The following VPS13A variants were observed in gnomAD, a reference collection of about 807,000 sequenced individuals.
VPS13A encodes intermembrane lipid transfer protein VPS13A.
In VPS13A, 264 loss-of-function variants were observed where a neutral mutation model predicts 390.9. The observed-to-expected ratio is 0.68, with a 90% CI of 0.61 to 0.75. The LOEUF (loss-of-function observed/expected upper bound fraction) is 0.75, where lower values mean the gene tolerates loss of function less well. Ranked by LOEUF, VPS13A falls within the 30% of genes least tolerant of loss-of-function variation. VPS13A has a pLI of 0.00. For synonymous variants in VPS13A, 1,231 were observed against 1,227.1 expected, an observed-to-expected ratio of 1.00 and a Z score of -0.07; for missense variants, 3,409 against 3,733.9, an observed-to-expected ratio of 0.91 and a Z score of 2.27.
intron 3 of VPS13A, 82 bp from the exon 4 acceptor site, chr9:77,205,231 C>T: frequency 1.4e-6 from 1 of 729,272 alleles, no homozygotes; most frequent in Non-Finnish European, 2.2e-6. Context: ...TCTTCAATGC[C>T]TGACAGAAAA....
At position 77,392,775 on chromosome 9, in the gene VPS13A, CTATATA is replaced by C. The variant is rs921308516; in HGVS notation, c.9190-10456_9190-10451del. On this transcript the variant is annotated intron_variant, in intron 68 of 71. Transcript: ENST00000360280. ...TAAAACTATATATAACTATATAAAA[CTATATA>C]TATACACACCTTAATTTAAAAATAC... Among the ~76,000 whole-genome samples, 8 of 146,788 alleles carry C rather than the reference CTATATA, an allele frequency of 5.5e-5. No individual in the cohort carries two copies. In the East Asian group the frequency reaches 1.6e-3, roughly 29 times the overall value.
intron 17 of VPS13A, among the ~76,000 whole-genome samples, chr9:77,228,533 T>A (rs532306266): frequency 6.6e-6 from 1 of 152,292 alleles, no homozygotes; most frequent in Non-Finnish European, 1.5e-5. Flanking sequence ...CAATGTGGTT[T>A]TTATCTGAGA....
chr9:77,342,544 C>T (rs2131514491), intron 50 of VPS13A, among the ~76,000 whole-genome samples: 1 of 152,238 alleles, frequency 6.6e-6, no homozygotes, highest in East Asian at 1.9e-4. Context: ...GATAGTGACA[C>T]ATTCTCTTTC....
chr9:77,273,130 T>C (rs1314662622), intron 23 of VPS13A, 150 bp from the exon 24 acceptor site: 1 of 622,752 alleles, frequency 1.6e-6, no homozygotes, highest in Non-Finnish European at 2.8e-6. Context: ...TATAATGTAT[T>C]TTTCTAATTT....
chr9:77,351,492 A>G (rs1831463938), intron 53 of VPS13A, 46 bp downstream of exon 53: 1 of 1,604,820 alleles, frequency 6.2e-7, no homozygotes, highest in Non-Finnish European at 8.5e-7. Context: ...TTTTTTAAAA[A>G]AGGTATTTGG....
At chr9:77,212,385 G>A (rs1351654952) in intron 7 of VPS13A, among the ~76,000 whole-genome samples, 2 of 151,850 alleles carry the variant, frequency 1.3e-5, no homozygotes, top group African/African-American at 2.4e-5. Flanking sequence ...ATTCCCTGTC[G>A]ACCTTAGAAT....
chr9:77,231,469 C>T (rs1735189499), intron 17 of VPS13A, among the ~76,000 whole-genome samples: 1 of 152,018 alleles, frequency 6.6e-6, no homozygotes, highest in African/African-American at 2.4e-5. Context: ...AAATTATAGC[C>T]ATCCTTATGG....
intron 68 of VPS13A, among the ~76,000 whole-genome samples, chr9:77,391,643 G>C (rs1785378678): frequency 6.6e-6 from 1 of 152,128 alleles, no homozygotes; most frequent in Non-Finnish European, 1.5e-5. Context: ...TATAGATTTA[G>C]ACATTTCTGT....
intron 17 of VPS13A, among the ~76,000 whole-genome samples, chr9:77,229,879 C>G (rs1823726163): frequency 1.3e-5 from 2 of 152,172 alleles, no homozygotes; most frequent in African/African-American, 4.8e-5. Flanking sequence ...TTTTACATTT[C>G]CATGAACAGT....
At chr9:77,221,831 C>T (rs1003152099) in intron 13 of VPS13A, among the ~76,000 whole-genome samples, 6 of 152,104 alleles carry the variant, frequency 3.9e-5, no homozygotes, top group Non-Finnish European at 1.5e-5. Flanking sequence ...TCTACCTACT[C>T]AATTCTACTC....
intron 1 of VPS13A, among the ~76,000 whole-genome samples, chr9:77,192,852 G>A (rs72740401): frequency 0.054 from 8,257 of 151,954 alleles, 332 homozygotes; most frequent in South Asian, 0.12. Flanking sequence ...ATCTTGCAGG[G>A]GTTCTATGAA....
intron 59 of VPS13A, among the ~76,000 whole-genome samples, chr9:77,361,617 T>C (rs1315229611): frequency 6.6e-6 from 1 of 152,224 alleles, no homozygotes. Context: ...CACCATGTGA[T>C]TAAGCAATTC....
intron 68 of VPS13A, among the ~76,000 whole-genome samples, chr9:77,383,902 C>T (rs1833562006): frequency 6.6e-6 from 1 of 150,710 alleles, no homozygotes; most frequent in East Asian, 1.9e-4. Flanking sequence ...TGGGATGTTG[C>T]AGTTAGCATT....
At chr9:77,300,136 A>T (rs1828258891) in intron 33 of VPS13A, among the ~76,000 whole-genome samples, 1 of 152,150 alleles carries the variant, frequency 6.6e-6, no homozygotes, top group African/African-American at 2.4e-5. Context: ...CTTTTTTCTT[A>T]ATAATATGCT....
intron 5 of VPS13A, 49 bp downstream of exon 5, chr9:77,206,128 C>CTAAATATTCAATTATGA: frequency 1.8e-5 from 22 of 1,219,034 alleles, no homozygotes; most frequent in Non-Finnish European, 2.5e-5. Flanking sequence ...TAGAAAAGAC[C>CTAAATATTCAATTATGA]TAAATATTTA....
At position 77,351,375 on chromosome 9, in the gene VPS13A, G is replaced by T; in HGVS notation, c.7348G>T (p.Ala2450Ser). 6.2e-7 allele frequency: 1 copy of T among 1,613,984 alleles called. No homozygotes were observed. Among genetic ancestry groups the T allele is most frequent in the Non-Finnish European group, 8.5e-7 (1 of 1,179,940 alleles). ...TGGTAAAGCCGTGTTTTATACATGG[G>T]CTGATCCGGTGGGCTCTAGAAGGCT... ...PPGKAVFYTW[A>S]DPVGSRRLKW... Residue 2450 changes from alanine (A) to serine (S), a missense_variant, in exon 53 of 72, where the codon GCT becomes TCT. Physicochemically the swap from Ala to Ser is moderately conservative, Grantham distance 99. This residue lies in a region of VPS13A where 2,717 missense variants were observed against 2,917.4 expected (regional missense o/e 0.93). Coordinates refer to ENST00000360280, the MANE Select transcript of VPS13A (RefSeq NM_033305.3).
intron 17 of VPS13A, among the ~76,000 whole-genome samples, chr9:77,235,617 C>A (rs1824099437): frequency 6.6e-6 from 1 of 152,118 alleles, no homozygotes; most frequent in Middle Eastern, 3.2e-3. Context: ...CATTATTTCT[C>A]CCAGTATTTT....
chr9:77,240,478 G>GTTTTTTTTTTTTTTTTTT (rs11351060), intron 19 of VPS13A, among the ~76,000 whole-genome samples: 1 of 126,062 alleles, frequency 7.9e-6, no homozygotes, highest in Admixed American at 8.0e-5. Context: ...TTATGTTTTT[G>GTTTTTTTTTTTTTTTTTT]TTTTTTTTTT....
chr9:77,339,505 T>C lies in VPS13A; in HGVS notation c.6379-11T>C. ...TTAAATTTTGTTTTGTTTTTTTTTT[T>C]TTTATTACAGGGAATTGAAAATTCG... On this transcript the variant is annotated splice_polypyrimidine_tract_variant and intron_variant, in intron 47 of 71. Transcript: ENST00000360280. 6.5e-7 allele frequency: 1 copy of C among 1,527,604 alleles called. No homozygotes were observed. The highest frequency in any genetic ancestry group is 8.8e-7 in the Non-Finnish European group (1 of 1,137,826). 94.6% of individuals were successfully genotyped at this position (1,527,604 alleles called of 1,614,324 possible).
Sources: allele counts gnomAD v4.1 joint callset (sites outside exome capture counted in the v4.1 genomes callset), GRCh38; gene constraint gnomAD v4.1.1; regional missense constraint gnomAD v4.1.1; transcripts MANE v1.5; gene names NCBI Gene and HGNC (gene_info 2026-07-23, HGNC 2026-07-21).